POU3F3: variants seen among roughly 807,000 people sequenced by gnomAD.
POU3F3 encodes the protein POU class 3 homeobox 3, also known as POU domain, class 3, transcription factor 3.
Under a neutral mutation model 8.6 loss-of-function variants are expected in POU3F3, and 1 was observed. The ratio of observed to expected loss-of-function variants is 0.12; its 90% CI spans 0.04 to 0.55. The LOEUF is 0.55. POU3F3 is among the 20% of genes least tolerant of loss of function. The pLI is 0.91. For missense variants in POU3F3, 577 were observed against 690.7 expected (o/e 0.84, Z 1.84); for synonymous variants, 418 against 327.4 (o/e 1.28, Z -2.99).
chr2:104,856,101 C>T lies in POU3F3; in HGVS notation c.591C>T (p.Ala197=), dbSNP rs1279885542. The change falls in exon 1 of 1, where the codon GCC becomes GCT. Residue 197 remains alanine, a synonymous_variant. Transcript: ENST00000361360. ...CGGCCGCCGCTGCCGCAGCCGCAGC[C>T]GCCGCCGCCGCCGCCGCCGCGCACC... The part of the protein sequence containing the change: ...WGAAAAAAAA[A]AAAAAAAHLP... The T allele has an allele frequency of 2.7e-5, 27 of 1,012,842 alleles. No individual in the cohort carries two copies. The East Asian group carries it at 9.4e-4, about 35-fold the overall frequency. 62.7% of individuals were successfully genotyped at this position (1,012,842 alleles called of 1,614,324 possible). A position where few individuals can be genotyped will look rare whatever the true frequency, so the allele number is the denominator to read the frequency against.
chr2:104,862,945 T>C (rs1449722118), downstream of POU3F3, among the ~76,000 whole-genome samples: 1 of 151,760 alleles, frequency 6.6e-6, no homozygotes, highest in Non-Finnish European at 1.5e-5. Context: ...TTTGTTCATC[T>C]ATCTTCCTAA....
At position 104,855,916 on chromosome 2, in the gene POU3F3, C is replaced by T; in HGVS notation, c.406C>T (p.Pro136Ser). 9.4e-7 allele frequency: 1 copy of T among 1,065,932 alleles called. No homozygotes were observed. 66.0% of individuals were successfully genotyped at this position (1,065,932 alleles called of 1,614,324 possible). The change falls in exon 1 of 1, where the codon CCA (proline) becomes TCA (serine). Residue 136 changes from proline (P) to serine (S), a missense_variant. By Grantham distance (74) the Pro-to-Ser change is moderately conservative. Coordinates refer to ENST00000361360, the MANE Select transcript of POU3F3 (RefSeq NM_006236.3). ...AVGMAGSPQQ[P>S]PQPPPPPPQG... is the part of the protein sequence containing the mutation. ...GGGCATGGCTGGCAGCCCCCAGCAG[C>T]CACCGCAGCCGCCGCCGCCACCGCC...
At chr2:104,858,817 T>C (rs954008238), downstream of POU3F3, among the ~76,000 whole-genome samples, 1 of 152,214 alleles carries the variant, frequency 6.6e-6, no homozygotes, top group Admixed American at 6.5e-5. Flanking sequence ...TTTTAGTGGA[T>C]GTCTTTAGTG....
the POU3F3 span, among the ~76,000 whole-genome samples, chr2:104,913,455 C>T: frequency 6.6e-6 from 1 of 152,116 alleles, no homozygotes; most frequent in African/African-American, 2.4e-5. Context: ...GACTAAGGCC[C>T]TGGGGTAACT....
At chr2:104,886,011 G>T in the POU3F3 span, among the ~76,000 whole-genome samples, 1 of 152,058 alleles carries the variant, frequency 6.6e-6, no homozygotes, top group Non-Finnish European at 1.5e-5. Flanking sequence ...TGGCCAAGCT[G>T]GTCTCGAACT....
the POU3F3 span, among the ~76,000 whole-genome samples, chr2:104,912,695 C>T: frequency 5.3e-5 from 8 of 151,048 alleles, no homozygotes; most frequent in Non-Finnish European, 1.0e-4. Context: ...ATGCACAACA[C>T]GACAGGTTGA....
At chr2:104,921,384 T>C in the POU3F3 span, among the ~76,000 whole-genome samples, 2 of 152,176 alleles carry the variant, frequency 1.3e-5, no homozygotes, top group Non-Finnish European at 2.9e-5. Flanking sequence ...ATCTGTCTAA[T>C]GTAACTATTT....
At chr2:104,872,355 C>G in the POU3F3 span, 1 of 456,650 alleles carries the variant, frequency 2.2e-6, no homozygotes, top group Non-Finnish European at 4.4e-6. This position sits in a 1 kb window ranked among gnomAD's most constrained non-coding sequence, Gnocchi z 4.6. Flanking sequence ...ACACTTCGGG[C>G]TCTGAGCTCT....
the POU3F3 span, among the ~76,000 whole-genome samples, chr2:104,901,511 G>A: frequency 4.0e-3 from 610 of 152,276 alleles, 6 homozygotes; most frequent in African/African-American, 0.014. Context: ...CACTTCAGCC[G>A]CAGTTACCAC....
chr2:104,868,065 A>G, the POU3F3 span: 1 of 356,896 alleles, frequency 2.8e-6, no homozygotes, highest in South Asian at 2.1e-5. Context: ...CAGCACCGGG[A>G]GACTGGAAGA....
chr2:104,872,454 T>C, the POU3F3 span: 3 of 415,852 alleles, frequency 7.2e-6, no homozygotes, highest in African/African-American at 4.1e-5. This position sits in a 1 kb window ranked among gnomAD's most constrained non-coding sequence, Gnocchi z 4.6. Flanking sequence ...AGCTTTCTTA[T>C]GGAAATGAAC....
At chr2:104,861,726 TTGC>T (rs991057469), downstream of POU3F3, among the ~76,000 whole-genome samples, 2 of 152,346 alleles carry the variant, frequency 1.3e-5, no homozygotes, top group East Asian at 1.9e-4. Context: ...GTCGTTGTTG[TTGC>T]TGCTGCTGCT....
the POU3F3 span, among the ~76,000 whole-genome samples, chr2:104,883,223 G>A: frequency 1.3e-5 from 2 of 152,330 alleles, no homozygotes; most frequent in South Asian, 2.1e-4. Flanking sequence ...GGCCATTAGC[G>A]GGGCAGAGCC....
the POU3F3 span, among the ~76,000 whole-genome samples, chr2:104,921,821 C>A: frequency 6.6e-6 from 1 of 152,116 alleles, no homozygotes; most frequent in African/African-American, 2.4e-5. Context: ...TATGGTGAAA[C>A]CCTGTCTCTA....
the POU3F3 span, among the ~76,000 whole-genome samples, chr2:104,877,506 A>G: frequency 8.6e-5 from 13 of 152,038 alleles, no homozygotes; most frequent in Non-Finnish European, 1.6e-4. Flanking sequence ...TGCCACCCAT[A>G]TTTACACAGC....
At chr2:104,880,250 G>A in the POU3F3 span, among the ~76,000 whole-genome samples, 1 of 152,156 alleles carries the variant, frequency 6.6e-6, no homozygotes, top group East Asian at 1.9e-4. Context: ...CAGGAGGATG[G>A]AAAGATTCCT....
Position 104,857,168 on chromosome 2 carries a change from G to T in POU3F3, c.*155G>T, listed in dbSNP as rs1393441494. Reference sequence around the variant, plus strand: ...TGGGCCGCTCCGGGCTCCAGCCCAGGCCCATCCGCCGCCCTCCCCTCCACC... The same window carrying T: ...TGGGCCGCTCCGGGCTCCAGCCCAGTCCCATCCGCCGCCCTCCCCTCCACC... On this transcript the variant is annotated 3_prime_UTR_variant, in exon 1 of 1. Transcript: ENST00000361360. The T allele has an allele frequency of 4.9e-6, 4 of 812,018 alleles. No homozygotes were observed. Among genetic ancestry groups the T allele is most frequent in the Non-Finnish European group, 6.0e-6 (4 of 672,022 alleles). The allele number at this position is 812,018 out of a possible 1,614,324, so 50.3% of individuals were successfully genotyped here.
the POU3F3 span, among the ~76,000 whole-genome samples, chr2:104,886,940 TAAAA>T: frequency 6.6e-6 from 1 of 151,690 alleles, no homozygotes; most frequent in Non-Finnish European, 1.5e-5. Context: ...TAAAAAATTT[TAAAA>T]AAAGAAAGCA....
the POU3F3 span, among the ~76,000 whole-genome samples, chr2:104,882,440 C>T: frequency 2.6e-5 from 4 of 151,814 alleles, no homozygotes; most frequent in South Asian, 2.1e-4. Flanking sequence ...TTAGTAGAGA[C>T]GGGGTTTCAC....
Sources: gnomAD v4.1 joint callset for allele counts (sites outside exome capture counted in the v4.1 genomes callset) on GRCh38, gnomAD v4.1.1 for gene constraint, Gnocchi (gnomAD v3.1) non-coding constraint, MANE v1.5 for transcripts, NCBI Gene and HGNC (gene_info 2026-07-23, HGNC 2026-07-21) for gene names.